The following ASAP2 variants were observed in gnomAD, a reference collection of about 807,000 sequenced individuals.
ASAP2 encodes the protein ArfGAP with SH3 domain, ankyrin repeat and PH domain 2.
In ASAP2, 45 loss-of-function variants were observed where a neutral mutation model predicts 131.4. The ratio of observed to expected loss-of-function variants is 0.34; its 90% CI spans 0.27 to 0.44. The LOEUF (loss-of-function observed/expected upper bound fraction) is 0.44. ASAP2 is among the 20% of genes least tolerant of loss of function. ASAP2 has a pLI of 1.00. For missense variants in ASAP2, 1,011 were observed against 1,297.0 expected (o/e 0.78, Z 3.39); for synonymous variants, 510 against 503.0 (o/e 1.01, Z -0.19).
At chr2:9,341,262 T>C (rs1671556393) in intron 9 of ASAP2, among the ~76,000 whole-genome samples, 1 of 152,222 alleles carries the variant, frequency 6.6e-6, no homozygotes, top group Non-Finnish European at 1.5e-5. Flanking sequence ...ACAAAGGCTA[T>C]TGTTACGGGG....
At chr2:9,344,495 G>A (rs536801863) in intron 9 of ASAP2, 37 bp from the exon 10 acceptor site, 3 of 1,552,552 alleles carry the variant, frequency 1.9e-6, no homozygotes, top group African/African-American at 2.7e-5. Context: ...ATTAGGACCT[G>A]GACAAGATTA....
At chr2:9,253,832 A>C (rs978918280) in intron 1 of ASAP2, among the ~76,000 whole-genome samples, 2 of 152,096 alleles carry the variant, frequency 1.3e-5, no homozygotes, top group Non-Finnish European at 2.9e-5. Context: ...GGTTTCAGTT[A>C]CCTGAAGTCA....
At chr2:9,297,500 A>G in intron 3 of ASAP2, 55 bp downstream of exon 3, 1 of 1,594,364 alleles carries the variant, frequency 6.3e-7, no homozygotes, top group African/African-American at 1.3e-5. Context: ...AAAGTGGCTC[A>G]GTAGAGGATA....
intron 1 of ASAP2, among the ~76,000 whole-genome samples, chr2:9,212,169 T>A (rs2147935432): frequency 6.6e-6 from 1 of 152,182 alleles, no homozygotes; most frequent in East Asian, 1.9e-4. Flanking sequence ...TGCTGGGCTG[T>A]GTGTGAGGTG....
chr2:9,283,146 C>T (rs1354114677), intron 2 of ASAP2, among the ~76,000 whole-genome samples: 2 of 152,038 alleles, frequency 1.3e-5, no homozygotes, highest in South Asian at 2.1e-4. Flanking sequence ...GGCATGATCT[C>T]GGCTCACTGC....
At position 9,218,940 on chromosome 2, in the gene ASAP2, G is replaced by A. The variant is rs917289553; in HGVS notation, c.126+11710G>A. Among the ~76,000 whole-genome samples the A allele has an allele frequency of 7.2e-5, 11 of 152,302 alleles. No individual in the cohort carries two copies. The East Asian group carries it at 1.9e-3, about 27-fold the overall frequency. Reference sequence around the variant, plus strand: ...GAGATATCACTGGAGTTGATGTGGTGGTTGGTACTTGAGCTGGAATCCCAA... The same window carrying A: ...GAGATATCACTGGAGTTGATGTGGTAGTTGGTACTTGAGCTGGAATCCCAA... On this transcript the variant is annotated intron_variant, in intron 1 of 27. Coordinates refer to ENST00000281419, the MANE Select transcript of ASAP2 (RefSeq NM_003887.3).
intron 1 of ASAP2, among the ~76,000 whole-genome samples, chr2:9,223,608 C>T (rs1662574316): frequency 6.6e-6 from 1 of 152,036 alleles, no homozygotes; most frequent in African/African-American, 2.4e-5. Flanking sequence ...AGCCATAGGG[C>T]GTACATTAGA....
intron 1 of ASAP2, among the ~76,000 whole-genome samples, chr2:9,264,910 A>G (rs1572291119): frequency 6.6e-6 from 1 of 152,148 alleles, no homozygotes; most frequent in African/African-American, 2.4e-5. Context: ...AGGCTGAGAC[A>G]GGGGAATCAC....
chr2:9,379,666 A>G (rs1011581141), intron 19 of ASAP2, among the ~76,000 whole-genome samples: 3 of 152,320 alleles, frequency 2.0e-5, no homozygotes, highest in African/African-American at 7.2e-5. Flanking sequence ...AAGAATAGAA[A>G]AAAGACACAC....
chr2:9,333,605 G>T (rs1294093892), intron 7 of ASAP2, among the ~76,000 whole-genome samples: 1 of 152,180 alleles, frequency 6.6e-6, no homozygotes, highest in East Asian at 1.9e-4. Flanking sequence ...AGAACTTGGT[G>T]GTCATGGAGG....
intron 17 of ASAP2, among the ~76,000 whole-genome samples, chr2:9,375,405 T>G (rs2715878): frequency 0.65 from 98,273 of 151,976 alleles, 34,020 homozygotes; most frequent in African/African-American, 0.89. Context: ...TAAACTAGGG[T>G]TTTTTCTTTT....
intron 1 of ASAP2, among the ~76,000 whole-genome samples, chr2:9,250,593 T>G (rs926853729): frequency 1.8e-4 from 7 of 39,170 alleles, no homozygotes; most frequent in African/African-American, 1.2e-3. Context: ...TGCAGTGTGG[T>G]GTGCTCTTTC....
chr2:9,404,739 T>G lies in ASAP2; in HGVS notation c.*1412T>G, dbSNP rs1431085025. 1.0e-5 allele frequency: 1 copy of G among 97,476 alleles called. No individual in the cohort carries two copies. The highest frequency in any genetic ancestry group is 1.9e-5 in the Non-Finnish European group (1 of 53,346). 6.0% of individuals were successfully genotyped at this position (97,476 alleles called of 1,614,324 possible). A position where few individuals can be genotyped will look rare whatever the true frequency, so the allele number is the denominator to read the frequency against. On this transcript the variant is annotated 3_prime_UTR_variant, in exon 28 of 28. Coordinates refer to ENST00000281419, the MANE Select transcript of ASAP2 (RefSeq NM_003887.3). ...TTTATTATGCAAGACTGTGTAGAGT[T>G]TTTTTTTTTTTTGGCATTGTACTTT...
intron 11 of ASAP2, among the ~76,000 whole-genome samples, chr2:9,348,488 A>G (rs1292844498): frequency 1.3e-5 from 2 of 152,134 alleles, no homozygotes; most frequent in African/African-American, 2.4e-5. Context: ...TCTCCCATAA[A>G]TTTTTCTAAT....
At chr2:9,341,458 C>T (rs1558347185) in intron 9 of ASAP2, among the ~76,000 whole-genome samples, 1 of 152,136 alleles carries the variant, frequency 6.6e-6, no homozygotes, top group African/African-American at 2.4e-5. Flanking sequence ...TCATTGTCAC[C>T]TTCTGGCATA....
chr2:9,364,128 T>C (rs1673279863), intron 15 of ASAP2, among the ~76,000 whole-genome samples: 1 of 152,240 alleles, frequency 6.6e-6, no homozygotes, highest in Non-Finnish European at 1.5e-5. Flanking sequence ...ACTAGGGTAC[T>C]ACTATCATGA....
chr2:9,209,378 T>G (rs993189129), intron 1 of ASAP2, among the ~76,000 whole-genome samples: 9 of 152,218 alleles, frequency 5.9e-5, no homozygotes, highest in African/African-American at 2.2e-4. Context: ...TTACCAAAAC[T>G]TGTTCTATGT....
intron 24 of ASAP2, chr2:9,399,191 G>A (rs1234585634): frequency 1.3e-5 from 2 of 152,314 alleles, no homozygotes; most frequent in African/African-American, 4.8e-5. Context: ...AGTGTCGACA[G>A]ACGGGAGCGT....
intron 1 of ASAP2, among the ~76,000 whole-genome samples, chr2:9,211,979 A>G (rs1661592763): frequency 6.6e-6 from 1 of 152,256 alleles, no homozygotes; most frequent in African/African-American, 2.4e-5. Context: ...TTTGAATTTC[A>G]GAAAATTTTG....
Sources: allele counts gnomAD v4.1 joint callset (sites outside exome capture counted in the v4.1 genomes callset), GRCh38; gene constraint gnomAD v4.1.1; transcripts MANE v1.5; gene names NCBI Gene and HGNC (gene_info 2026-07-23, HGNC 2026-07-21).